Variants in OPA1 observed in about 807,000 individuals in gnomAD.
The protein encoded by OPA1 is dynamin-like GTPase OPA1, mitochondrial.
A neutral mutation model predicts 152.9 loss-of-function variants in OPA1; 59 were observed. The observed-to-expected ratio is 0.39, with a 90% CI of 0.31 to 0.48. The LOEUF (loss-of-function observed/expected upper bound fraction) is 0.48. Among genes scored for constraint, OPA1 ranks in the 20% least tolerant of loss-of-function variants. OPA1 has a pLI of 0.96. For missense variants in OPA1, 1,008 were observed against 1,216.8 expected (o/e 0.83, Z 2.55); for synonymous variants, 400 against 389.9 (o/e 1.03, Z -0.31).
chr3:193,645,886 A>G (rs1303839494), intron 18 of OPA1, 86 bp downstream of exon 18: 14 of 1,072,676 alleles, frequency 1.3e-5, no homozygotes, highest in Admixed American at 1.0e-4. Context: ...ATCAGGTTTT[A>G]TAACTATTAG....
At position 193,631,613 on chromosome 3, in the gene OPA1, T is replaced by G; in HGVS notation, c.791T>G (p.Val264Gly). 1 of 1,605,100 alleles carries G rather than the reference T, an allele frequency of 6.2e-7. No homozygotes were observed. The highest frequency in any genetic ancestry group is 8.5e-7 in the Non-Finnish European group (1 of 1,172,056). ...STSYAQQKRK[V>G]SDKEKIDQLQ... is the part of the protein sequence containing the mutation. ...ACTAAAATTATTTTAAACATTTAGG[T>G]GTCAGACAAAGAGAAAATTGACCAA... Residue 264 changes from valine (V) to glycine (G), a missense_variant and splice_region_variant, in exon 8 of 31, where the codon GTG becomes GGG. By Grantham distance (109) the Val-to-Gly change is moderately radical. Around this residue, in one of 7 missense-constraint regions of OPA1, gnomAD observed 408 missense variants for 395.1 expected, o/e 1.03. Transcript: ENST00000361510.
chr3:193,677,533 C>T (rs1719379029), intron 29 of OPA1, among the ~76,000 whole-genome samples: 1 of 151,906 alleles, frequency 6.6e-6, no homozygotes, highest in South Asian at 2.1e-4. Flanking sequence ...TTGGACTCTG[C>T]AACAGTATAT....
At chr3:193,693,801 C>G (rs1469829492) in intron 30 of OPA1, among the ~76,000 whole-genome samples, 3 of 152,100 alleles carry the variant, frequency 2.0e-5, no homozygotes, top group Admixed American at 6.5e-5. Context: ...TTAAGTGTTA[C>G]AATATCACCC....
At chr3:193,631,004 G>A (rs1320876191) in intron 7 of OPA1, among the ~76,000 whole-genome samples, 2 of 152,038 alleles carry the variant, frequency 1.3e-5, no homozygotes, top group South Asian at 2.1e-4. Context: ...TCTGTGTTAC[G>A]AGTTAGCAGA....
At chr3:193,677,186 G>A (rs937838355) in intron 29 of OPA1, among the ~76,000 whole-genome samples, 2 of 151,186 alleles carry the variant, frequency 1.3e-5, no homozygotes, top group Admixed American at 6.6e-5. Context: ...TGTATGGATT[G>A]AATTTGCCAT....
At chr3:193,655,193 C>A in intron 22 of OPA1, 166 bp downstream of exon 22, 1 of 642,934 alleles carries the variant, frequency 1.6e-6, no homozygotes, top group Non-Finnish European at 2.6e-6. Context: ...CTTAATGTTG[C>A]TACCAGTTAC....
intron 1 of OPA1, among the ~76,000 whole-genome samples, chr3:193,609,889 C>T (rs1727921924): frequency 6.6e-6 from 1 of 152,220 alleles, no homozygotes; most frequent in African/African-American, 2.4e-5. Context: ...TCAGCTCCAT[C>T]AGGTCCTTTA....
intron 6 of OPA1, among the ~76,000 whole-genome samples, chr3:193,619,916 AT>A (rs976594066): frequency 3.3e-5 from 5 of 151,984 alleles, no homozygotes; most frequent in African/African-American, 9.7e-5. Context: ...ATTTCAAAAG[AT>A]TTTTTTCTTT....
chr3:193,612,942 C>T (rs952159365), intron 1 of OPA1, among the ~76,000 whole-genome samples: 7 of 152,184 alleles, frequency 4.6e-5, no homozygotes, highest in Admixed American at 6.5e-5. Context: ...CCATGACCTC[C>T]AGTTACAATC....
intron 29 of OPA1, among the ~76,000 whole-genome samples, chr3:193,688,182 C>T (rs1291320906): frequency 3.3e-5 from 5 of 152,114 alleles, no homozygotes; most frequent in Non-Finnish European, 7.4e-5. Flanking sequence ...ATATTTTGGG[C>T]AACTTCGTTT....
At chr3:193,634,661 G>A (rs1261278060) in intron 8 of OPA1, among the ~76,000 whole-genome samples, 1 of 152,126 alleles carries the variant, frequency 6.6e-6, no homozygotes, top group Non-Finnish European at 1.5e-5. Flanking sequence ...GTCTGCCTCG[G>A]CCTCCCAAAG....
At chr3:193,604,869 A>AAAAAAAAAAAAAAAAG (rs1553867624) in intron 1 of OPA1, among the ~76,000 whole-genome samples, 1 of 145,882 alleles carries the variant, frequency 6.9e-6, no homozygotes, top group African/African-American at 2.6e-5. Flanking sequence ...TCAAAAAAAA[A>AAAAAAAAAAAAAAAAG]AAAAAAGAAA....
intron 1 of OPA1, among the ~76,000 whole-genome samples, chr3:193,601,767 A>G (rs1056309567): frequency 6.6e-6 from 1 of 152,218 alleles, no homozygotes; most frequent in African/African-American, 2.4e-5. Context: ...CGACTTTATC[A>G]GTTGAAAAAG....
chr3:193,661,132 G>GA (rs750315212), intron 25 of OPA1, among the ~76,000 whole-genome samples: 9 of 152,184 alleles, frequency 5.9e-5, no homozygotes, highest in Non-Finnish European at 1.0e-4. Flanking sequence ...ACCCATAGGG[G>GA]AATCCCTTCA....
intron 19 of OPA1, among the ~76,000 whole-genome samples, chr3:193,647,438 G>C (rs963342148): frequency 6.6e-6 from 1 of 152,188 alleles, no homozygotes; most frequent in African/African-American, 2.4e-5. Flanking sequence ...GTGCTTGGAA[G>C]TACACAATAA....
chr3:193,612,448 G>T (rs1303069725), intron 1 of OPA1, among the ~76,000 whole-genome samples: 1 of 151,874 alleles, frequency 6.6e-6, no homozygotes, highest in East Asian at 1.9e-4. Flanking sequence ...CTTTTCATTT[G>T]GTTTTTGCAA....
chr3:193,645,881 GT>G, intron 18 of OPA1, 81 bp downstream of exon 18: 1 of 1,093,452 alleles, frequency 9.1e-7, no homozygotes, highest in East Asian at 2.4e-5. Flanking sequence ...AAAACATCAG[GT>G]TTTATAACTA....
chr3:193,606,422 CA>C (rs1448938960), intron 1 of OPA1, among the ~76,000 whole-genome samples: 1 of 149,416 alleles, frequency 6.7e-6, no homozygotes, highest in African/African-American at 2.5e-5. Flanking sequence ...CCCCCTCCCC[CA>C]ACCCCACAAC....
At chr3:193,594,013 G>A (rs1031908286) in intron 1 of OPA1, among the ~76,000 whole-genome samples, 1 of 152,044 alleles carries the variant, frequency 6.6e-6, no homozygotes, top group Non-Finnish European at 1.5e-5. Context: ...TCTGTGTTTC[G>A]GGAGGGAGAC....
Sources: gnomAD v4.1 joint callset for allele counts (sites outside exome capture counted in the v4.1 genomes callset) on GRCh38, gnomAD v4.1.1 for gene constraint, gnomAD v4.1.1 regional missense constraint, MANE v1.5 for transcripts, NCBI Gene and HGNC (gene_info 2026-07-23, HGNC 2026-07-21) for gene names.